CHKA: variants seen among roughly 807,000 people sequenced by gnomAD.
The protein encoded by CHKA is CHETK-alpha.
In CHKA, 34 loss-of-function variants were observed where a neutral mutation model predicts 60.1. The observed-to-expected ratio is 0.57, with a 90% CI of 0.43 to 0.75. The LOEUF is 0.75. Ranked by LOEUF, CHKA falls within the 30% of genes least tolerant of loss-of-function variation. CHKA has a pLI of 0.00. For synonymous variants in CHKA, 217 were observed against 223.1 expected, an observed-to-expected ratio of 0.97 and a Z score of 0.24; for missense variants, 563 against 561.3, an observed-to-expected ratio of 1.00 and a Z score of -0.03.
chr11:68,056,079 T>C (rs1856005113), intron 11 of CHKA, among the ~76,000 whole-genome samples: 1 of 152,074 alleles, frequency 6.6e-6, no homozygotes. Flanking sequence ...GGCTGTTTGG[T>C]TTCTGGCTGA....
At chr11:68,077,114 C>A (rs575525953) in intron 3 of CHKA, among the ~76,000 whole-genome samples, 1 of 152,240 alleles carries the variant, frequency 6.6e-6, no homozygotes, top group East Asian at 1.9e-4. Context: ...GTGGCGGGCA[C>A]CTGTAATCCC....
In CHKA at chr11:68,120,997, G is replaced by C. The variant is rs1265250494; in HGVS notation, c.181C>G (p.Pro61Ala). Residue 61 changes from proline (P) to alanine (A), a missense_variant, in exon 1 of 12, where the codon CCG becomes GCG. Coordinates refer to ENST00000265689, the MANE Select transcript of CHKA (RefSeq NM_001277.3). ...QQPPLALPPP[P>A]PLPLPLPLPQ... is the part of the protein sequence containing the mutation. Reference sequence around the variant, plus strand: ...AGCGGCAGCGGCAGCGGCAGCGGCGGCGGAGGGGGCAGCGCGAGCGGCGGC... The same window carrying C: ...AGCGGCAGCGGCAGCGGCAGCGGCGCCGGAGGGGGCAGCGCGAGCGGCGGC... The C allele has an allele frequency of 8.9e-6, 10 of 1,120,050 alleles. No individual in the cohort carries two copies. 69.4% of individuals were successfully genotyped at this position (1,120,050 alleles called of 1,614,324 possible). A position where few individuals can be genotyped will look rare whatever the true frequency, so the allele number is the denominator to read the frequency against.
intron 2 of CHKA, among the ~76,000 whole-genome samples, chr11:68,093,034 G>A (rs1338354233): frequency 6.3e-5 from 9 of 143,326 alleles, no homozygotes; most frequent in Non-Finnish European, 1.4e-4. Context: ...TTGAGACGGG[G>A]TCTCTCTCTG....
intron 2 of CHKA, among the ~76,000 whole-genome samples, chr11:68,091,826 G>A (rs544837432): frequency 3.3e-5 from 5 of 152,192 alleles, no homozygotes; most frequent in Admixed American, 6.5e-5. Flanking sequence ...ATCAAAGAAC[G>A]TGTAAAATGT....
chr11:68,121,179 C>T lies in CHKA; in HGVS notation c.-2G>A. ...CCCGGTGCAGAATTTGGTTTTCATG[C>T]CCGACAGGCGGCCGAGGAGGCGCGG... On this transcript the variant is annotated 5_prime_UTR_variant, in exon 1 of 12. Transcript: ENST00000265689. 1.7e-6 allele frequency: 2 copies of T among 1,186,732 alleles called. No individual in the cohort carries two copies. The highest frequency in any genetic ancestry group is 2.1e-6 in the Non-Finnish European group (2 of 952,514). 73.5% of individuals were successfully genotyped at this position (1,186,732 alleles called of 1,614,324 possible).
chr11:68,101,106 C>T (rs1372894236), intron 1 of CHKA, among the ~76,000 whole-genome samples: 1 of 151,828 alleles, frequency 6.6e-6, no homozygotes, highest in African/African-American at 2.4e-5. Context: ...CACCACCACA[C>T]CGGGCTAATT....
intron 10 of CHKA, 80 bp from the exon 11 acceptor site, chr11:68,062,114 G>A: frequency 9.8e-7 from 1 of 1,016,634 alleles, no homozygotes; most frequent in Non-Finnish European, 1.5e-6. Flanking sequence ...CATGCCAGAT[G>A]GACATTTTAA....
chr11:68,077,542 TAAAG>T (rs1856833441), intron 3 of CHKA, among the ~76,000 whole-genome samples: 2 of 152,186 alleles, frequency 1.3e-5, no homozygotes, highest in Admixed American at 6.5e-5. Context: ...GCTTCAGAAA[TAAAG>T]ACTCATTAAT....
intron 1 of CHKA, among the ~76,000 whole-genome samples, chr11:68,111,101 C>T: frequency 6.6e-6 from 1 of 151,916 alleles, no homozygotes; most frequent in Non-Finnish European, 1.5e-5. Flanking sequence ...TACTCAACCT[C>T]AAGAATCATT....
intron 1 of CHKA, among the ~76,000 whole-genome samples, chr11:68,106,699 A>G (rs1183591928): frequency 6.6e-6 from 1 of 152,218 alleles, no homozygotes; most frequent in African/African-American, 2.4e-5. Flanking sequence ...AAATTACATG[A>G]GATCATATGA....
intron 2 of CHKA, among the ~76,000 whole-genome samples, chr11:68,085,649 T>G (rs1423606188): frequency 6.6e-6 from 1 of 152,248 alleles, no homozygotes; most frequent in African/African-American, 2.4e-5. Flanking sequence ...ATTTCTATAC[T>G]TTAAAAAGTG....
At chr11:68,096,304 T>C (rs1199377034) in intron 2 of CHKA, among the ~76,000 whole-genome samples, 2 of 152,210 alleles carry the variant, frequency 1.3e-5, no homozygotes, top group Middle Eastern at 3.4e-3. Flanking sequence ...GAGGTTGCAG[T>C]GAGCTGAGAT....
intron 1 of CHKA, among the ~76,000 whole-genome samples, chr11:68,114,982 A>C (rs1384590188): frequency 1.3e-5 from 2 of 152,212 alleles, no homozygotes; most frequent in Non-Finnish European, 2.9e-5. Context: ...GGTTCAACTT[A>C]TGATTTTTCG....
chr11:68,090,829 C>G (rs920020933), intron 2 of CHKA, among the ~76,000 whole-genome samples: 1 of 152,152 alleles, frequency 6.6e-6, no homozygotes, highest in Non-Finnish European at 1.5e-5. Context: ...GCCTGTGAGA[C>G]CGCTCATAAC....
intron 1 of CHKA, among the ~76,000 whole-genome samples, chr11:68,098,292 A>AG (rs11449775): frequency 2.0e-5 from 3 of 149,990 alleles, no homozygotes; most frequent in African/African-American, 7.3e-5. Flanking sequence ...AAAAAAAAAA[A>AG]GAAAAAGAAA....
intron 1 of CHKA, among the ~76,000 whole-genome samples, chr11:68,104,027 C>T (rs146355496): frequency 3.2e-4 from 48 of 152,286 alleles, no homozygotes; most frequent in African/African-American, 1.1e-3. Context: ...GACATCTACA[C>T]TCTCATGTAT....
At chr11:68,071,936 AAGCACTGTCACCAC>A (rs1251790408) in intron 4 of CHKA, among the ~76,000 whole-genome samples, 2 of 152,190 alleles carry the variant, frequency 1.3e-5, no homozygotes, top group African/African-American at 4.8e-5. Context: ...TCCCTCCAGA[AAGCACTGTCACCAC>A]AGCACTGTCA....
chr11:68,103,725 A>G (rs1170610668), intron 1 of CHKA, among the ~76,000 whole-genome samples: 1 of 152,056 alleles, frequency 6.6e-6, no homozygotes. Context: ...CAGCCTGGCC[A>G]ACATGGTGAA....
At chr11:68,065,940 G>T in intron 8 of CHKA, 46 bp from the exon 9 acceptor site, 1 of 1,346,242 alleles carries the variant, frequency 7.4e-7, no homozygotes. Flanking sequence ...CAAACCGTAT[G>T]CCTGGAGGCT....
Sources: gnomAD v4.1 joint callset for allele counts (sites outside exome capture counted in the v4.1 genomes callset) on GRCh38, gnomAD v4.1.1 for gene constraint, MANE v1.5 for transcripts, NCBI Gene and HGNC (gene_info 2026-07-23, HGNC 2026-07-21) for gene names.